SEMA4G: variants seen among roughly 807,000 people sequenced by gnomAD.
SEMA4G encodes the protein semaphorin-4G.
A neutral mutation model predicts 81.2 loss-of-function variants in SEMA4G; 59 were observed. The observed-to-expected ratio is 0.73, with a 90% confidence interval of 0.59 to 0.90. The LOEUF (loss-of-function observed/expected upper bound fraction) is 0.90, where lower values mean the gene tolerates loss of function less well. Ranked by LOEUF, SEMA4G falls within the 40% of genes least tolerant of loss-of-function variation. SEMA4G has a pLI of 0.00. For missense variants in SEMA4G, 952 were observed against 1,102.3 expected (o/e 0.86, Z 1.93); for synonymous variants, 404 against 433.9 (o/e 0.93, Z 0.86).
intron 4 of SEMA4G, 171 bp downstream of exon 5, chr10:100,977,901 C>T: frequency 4.9e-6 from 3 of 611,400 alleles, no homozygotes; most frequent in South Asian, 3.9e-5. Flanking sequence ...AACCATTCCC[C>T]TTTGTAAAAA....
chr10:100,979,798 C>T, intron 8 of SEMA4G, 50 bp from the exon 10 acceptor site: 2 of 1,601,314 alleles, frequency 1.2e-6, no homozygotes, highest in East Asian at 2.2e-5. Flanking sequence ...AGTTGGGGGG[C>T]AGGCTTGACT....
rs895339896 is a variant in SEMA4G at position 100,975,219 on chromosome 10, C to T, written c.336+1610C>T. 7 of 343,496 alleles carry T rather than the reference C, an allele frequency of 2.0e-5. 1 individual carries two copies. Among genetic ancestry groups the T allele is most frequent in the South Asian group, 9.7e-5 (4 of 41,094 alleles). The allele number at this position is 343,496 out of a possible 1,614,324, so 21.3% of individuals were successfully genotyped here. A position where few individuals can be genotyped will look rare whatever the true frequency, so the allele number is the denominator to read the frequency against. ...TAGAGGCTCTAACTTTAATGTATCACCCAGGTATATTATAAATGCAGATGC... is the reference window on the plus strand; with the variant it reads ...TAGAGGCTCTAACTTTAATGTATCATCCAGGTATATTATAAATGCAGATGC... On this transcript the variant is annotated intron_variant, in intron 3 of 13. Transcript: ENST00000370250.
intron 13 of SEMA4G, among the ~76,000 whole-genome samples, chr10:100,983,030 G>A (rs1173443886): frequency 2.0e-5 from 3 of 152,236 alleles, no homozygotes; most frequent in Non-Finnish European, 4.4e-5. Context: ...CTGAGGTAGA[G>A]ATTAGGAGTT....
At chr10:100,983,919 C>T (rs1465984153) in exon 14 of SEMA4G, 1 of 1,563,652 alleles carries the variant, frequency 6.4e-7, no homozygotes, top group Non-Finnish European at 8.6e-7. Flanking sequence ...ACCACCCCCA[C>T]CGCCCCCACC....
intron 13 of SEMA4G, 83 bp from the exon 15 acceptor site, chr10:100,983,222 A>T: frequency 7.1e-7 from 1 of 1,402,866 alleles, no homozygotes; most frequent in Non-Finnish European, 9.5e-7. Flanking sequence ...GGTGCCAGGG[A>T]CTTGGCAGTG....
chr10:100,980,789 C>CA (rs764770625), intron 11 of SEMA4G, 33 bp from the exon 13 acceptor site: 1 of 1,555,202 alleles, frequency 6.4e-7, no homozygotes, highest in Admixed American at 2.0e-5. Context: ...TGAGTGGGGA[C>CA]GCTGCCGACC....
intron 8 of SEMA4G, 147 bp downstream of exon 9, chr10:100,979,418 C>G: frequency 6.4e-7 from 1 of 1,562,738 alleles, no homozygotes; most frequent in Non-Finnish European, 8.7e-7. Flanking sequence ...GAGTCTTGCT[C>G]TGTTGCCAGG....
exon 14 of SEMA4G, chr10:100,984,751 C>T: frequency 6.5e-7 from 1 of 1,536,138 alleles, no homozygotes; most frequent in Non-Finnish European, 8.7e-7. Context: ...TCTTCCCCAG[C>T]CCCATGTGGT....
At position 100,983,957 on chromosome 10, in the gene SEMA4G, G is replaced by C. The variant is rs752836080; in HGVS notation, c.2343G>C (p.Leu781Phe). 1.9e-6 allele frequency: 3 copies of C among 1,599,944 alleles called. No individual in the cohort carries two copies. In the African/African-American group the frequency reaches 4.2e-5, roughly 23 times the overall value. The change falls in exon 14 of 14, where the codon TTG (leucine) becomes TTC (phenylalanine). Residue 781 changes from leucine (L) to phenylalanine (F), a missense_variant. Coordinates refer to ENST00000370250, the Ensembl canonical transcript of SEMA4G. ...CACCGGCTGAGCTGACCAATGGCTT[G>C]GTGGCACTGCCCAGCCGGCTGCGGA...
In SEMA4G at chr10:100,978,521, C is replaced by T. The variant is rs535590815; in HGVS notation, c.530-6C>T. 1.6e-5 allele frequency: 26 copies of T among 1,612,940 alleles called. No individual in the cohort carries two copies. Among genetic ancestry groups the T allele is most frequent in the South Asian group, 4.4e-5 (4 of 91,052 alleles). On this transcript the variant is annotated splice_region_variant and splice_polypyrimidine_tract_variant and intron_variant, in intron 5 of 13. Transcript: ENST00000370250. ...GTCTCTCATGCCTGGAATATCCCCACGCCAGATGGAGGCCTCTACACAGCC... is the reference window on the plus strand; with the variant it reads ...GTCTCTCATGCCTGGAATATCCCCATGCCAGATGGAGGCCTCTACACAGCC...
At chr10:100,979,250 C>A in exon 8 of SEMA4G, 1 of 1,614,212 alleles carries the variant, frequency 6.2e-7, no homozygotes, top group Non-Finnish European at 8.5e-7. Context: ...TTCTATGCAG[C>A]CTTCACGCTG....
At chr10:100,979,115 G>A (rs2133877813) in exon 8 of SEMA4G, 1 of 1,614,120 alleles carries the variant, frequency 6.2e-7, no homozygotes, top group East Asian at 2.2e-5. Flanking sequence ...GACCTGGGAG[G>A]GAAGAAGATC....
chr10:100,973,518 C>T lies in SEMA4G; in HGVS notation c.274-29C>T. ...TGAGTAATAGGTATTGGGGTCAGTG[C>T]ATCAGCCTATTCCCTTTGCCTCCAC... On this transcript the variant is annotated intron_variant, in intron 2 of 13. Transcript: ENST00000370250. This position sits in a 1 kb window ranked among gnomAD's most constrained non-coding sequence, Gnocchi z 5.5. The T allele has an allele frequency of 1.2e-6, 2 of 1,607,284 alleles. No homozygotes were observed. The highest frequency in any genetic ancestry group is 1.7e-6 in the Non-Finnish European group (2 of 1,173,910).
Position 100,978,340 on chromosome 10 carries a change from G to A in SEMA4G, c.481G>A (p.Glu161Lys), listed in dbSNP as rs752480989. The A allele has an allele frequency of 4.3e-6, 7 of 1,613,740 alleles. No homozygotes were observed. In the South Asian group the frequency reaches 6.6e-5, roughly 15 times the overall value. Residue 161 changes from glutamate (E) to lysine (K), a missense_variant, in exon 5 of 14, where the codon GAG (glutamate) becomes AAG (lysine). By Grantham distance (56) the Glu-to-Lys change is moderately conservative. Around this residue, in one of 3 missense-constraint regions of SEMA4G, gnomAD observed 436 missense variants for 488.2 expected, o/e 0.89. Transcript: ENST00000370250. ...GCCAACCAGCTTCGAGGAGGGGAAG[G>A]AGAAGTGTCCTTATGACCCAGCCCG...
chr10:100,984,871 C>T, downstream of SEMA4G: 1 of 1,482,364 alleles, frequency 6.7e-7, no homozygotes, highest in Non-Finnish European at 9.0e-7. Context: ...CCCCACTCTC[C>T]TTGGTCATTC....
intron 9 of SEMA4G, 38 bp downstream of exon 10, chr10:100,980,030 G>A: frequency 1.2e-6 from 2 of 1,613,828 alleles, no homozygotes; most frequent in Non-Finnish European, 1.7e-6. Context: ...TGAGTAGACA[G>A]AGCCCAGGGA....
At chr10:100,977,646 C>A in exon 4 of SEMA4G, 1 of 1,614,092 alleles carries the variant, frequency 6.2e-7, no homozygotes. Flanking sequence ...AGTGCTTTAA[C>A]CATGTGCGGT....
chr10:100,982,871 C>T (rs1851172397), intron 13 of SEMA4G, among the ~76,000 whole-genome samples: 1 of 152,214 alleles, frequency 6.6e-6, no homozygotes, highest in Non-Finnish European at 1.5e-5. Flanking sequence ...AACTGTGTGG[C>T]TGGTGGTGCC....
chr10:100,978,375 A>G, exon 5 of SEMA4G: 1 of 1,612,948 alleles, frequency 6.2e-7, no homozygotes, highest in Middle Eastern at 1.6e-4. Flanking sequence ...GTGGCTTCAC[A>G]GGCCTCATCA....
Sources: gnomAD v4.1 joint callset for allele counts (sites outside exome capture counted in the v4.1 genomes callset) on GRCh38, gnomAD v4.1.1 for gene constraint, gnomAD v4.1.1 regional missense constraint, Gnocchi (gnomAD v3.1) non-coding constraint, MANE v1.5 for transcripts, NCBI Gene and HGNC (gene_info 2026-07-23, HGNC 2026-07-21) for gene names.